EZH1: variants seen among roughly 807,000 people sequenced by gnomAD.
EZH1 encodes the protein enhancer of zeste 1 polycomb repressive complex 2 subunit.
In EZH1, 33 loss-of-function variants were observed where a neutral mutation model predicts 100.5. The observed-to-expected ratio is 0.33, with a 90% CI of 0.25 to 0.44. The LOEUF (loss-of-function observed/expected upper bound fraction) is 0.44. Ranked by LOEUF, EZH1 falls within the 20% of genes least tolerant of loss-of-function variation. The pLI is 1.00. For synonymous variants in EZH1, 272 were observed against 313.8 expected (o/e 0.87, Z 1.41); for missense variants, 475 against 928.4 (o/e 0.51, Z 6.35).
At chr17:42,729,328 G>A (rs1244914126) in intron 2 of EZH1, 3 of 183,576 alleles carry the variant, frequency 1.6e-5, no homozygotes, top group Admixed American at 6.0e-5. Flanking sequence ...GACTGCTTGA[G>A]CCCAGGAGGT....
Position 42,701,072 on chromosome 17 carries a change from C to T in EZH1, c.*1460G>A, listed in dbSNP as rs1465272910. The T allele has an allele frequency of 6.5e-6, 1 of 152,732 alleles. No homozygotes were observed. The highest frequency in any genetic ancestry group is 2.4e-5 in the African/African-American group (1 of 41,464). 9.5% of individuals were successfully genotyped at this position (152,732 alleles called of 1,614,324 possible). On this transcript the variant is annotated 3_prime_UTR_variant, in exon 21 of 21. Transcript: ENST00000428826. ...CAACATACTGCTCCTTGTTCCCAGCCAGCCCGGCACACCCACCATGGACAC... is the reference window on the plus strand; with the variant it reads ...CAACATACTGCTCCTTGTTCCCAGCTAGCCCGGCACACCCACCATGGACAC...
chr17:42,734,850 G>A (rs913869079), intron 1 of EZH1, among the ~76,000 whole-genome samples: 5 of 151,188 alleles, frequency 3.3e-5, no homozygotes, highest in Admixed American at 6.6e-5. Context: ...AAAATTAGCC[G>A]GGTGTGGTGG....
chr17:42,731,910 C>G (rs1359980594), intron 1 of EZH1: 1 of 151,862 alleles, frequency 6.6e-6, no homozygotes, highest in Non-Finnish European at 1.5e-5. Flanking sequence ...CAAAACAAAA[C>G]AAAACAAAAC....
Position 42,718,139 on chromosome 17 carries a change from T to C in EZH1, c.932-72A>G. 1 of 1,320,212 alleles carries C rather than the reference T, an allele frequency of 7.6e-7. No homozygotes were observed. The highest frequency in any genetic ancestry group is 1.4e-5 in the African/African-American group (1 of 69,290). 81.8% of individuals were successfully genotyped at this position (1,320,212 alleles called of 1,614,324 possible). The stretch of plus-strand genomic sequence containing the variant: ...AAGATGGGGAGAAACAAAAGTGAAT[T>C]AGAGAGCTATTGTAGGAGTTAGAAT... On this transcript the variant is annotated intron_variant, in intron 9 of 20. Transcript: ENST00000428826. This position sits in a 1 kb window ranked among gnomAD's most constrained non-coding sequence, Gnocchi z 4.2.
Position 42,702,316 on chromosome 17 carries a change from T to C in EZH1, c.*216A>G. The C allele has an allele frequency of 2.2e-6, 1 of 456,264 alleles. No individual in the cohort carries two copies. Among genetic ancestry groups the C allele is most frequent in the Non-Finnish European group, 3.9e-6 (1 of 254,724 alleles). 28.3% of individuals were successfully genotyped at this position (456,264 alleles called of 1,614,324 possible). On this transcript the variant is annotated 3_prime_UTR_variant, in exon 21 of 21. Transcript: ENST00000428826. ...ACAGTCTCCCATTTCTGTAACTCTCTGTCCTGGGAGACCAAGCCCTAGCTG... is the reference window on the plus strand; with the variant it reads ...ACAGTCTCCCATTTCTGTAACTCTCCGTCCTGGGAGACCAAGCCCTAGCTG...
At position 42,741,133 on chromosome 17, in the gene EZH1, T is replaced by C. The variant is rs1398500336; in HGVS notation, c.-103+3878A>G. ...TCTCTTTTCTCTTTAGTTTATTCTA[T>C]GTAGAAATGGAATTAGTGTGTTTTT... is the stretch of plus-strand genomic sequence containing the variant. On this transcript the variant is annotated intron_variant, in intron 1 of 20. Transcript: ENST00000428826. 2.6e-5 allele frequency among the ~76,000 whole-genome samples: 4 copies of C among 152,258 alleles called. No homozygotes were observed. The East Asian group carries it at 7.7e-4, about 29-fold the overall frequency.
chr17:42,703,782 G>A lies in EZH1; in HGVS notation c.2056C>T (p.Arg686Ter), dbSNP rs1458266017. 6.2e-6 allele frequency: 10 copies of A among 1,613,894 alleles called. No individual in the cohort carries two copies. Among genetic ancestry groups the A allele is most frequent in the Non-Finnish European group, 7.6e-6 (9 of 1,179,952 alleles). The change falls in exon 19 of 21, where the codon CGA (arginine) becomes TGA (stop). Residue 686 changes from arginine to a stop codon, truncating the protein, a stop_gained. Coordinates refer to ENST00000428826, the MANE Select transcript of EZH1 (RefSeq NM_001991.5). LOFTEE classifies it high-confidence loss of function. ...GGATTCACTGAATGATTTGCAAATC[G>A]AATTTTGTTTCCTTTCCGAGTAGCA... Reference protein sequence around the residue: ...VDATRKGNKIRFANHSVNPNC... With the variant: ...VDATRKGNKI
intron 13 of EZH1, chr17:42,709,204 T>C: frequency 2.3e-6 from 1 of 433,786 alleles, no homozygotes; most frequent in Non-Finnish European, 4.2e-6. Context: ...TGGTCTATTA[T>C]AAAGCTATTG....
chr17:42,740,058 T>C (rs1176187269), intron 1 of EZH1, among the ~76,000 whole-genome samples: 1 of 152,020 alleles, frequency 6.6e-6, no homozygotes, highest in East Asian at 1.9e-4. Flanking sequence ...GGTTTAATTT[T>C]ATTTCATTTT....
At chr17:42,730,066 C>CA (rs376362467) in intron 2 of EZH1, among the ~76,000 whole-genome samples, 1,532 of 150,510 alleles carry the variant, frequency 0.01, 36 homozygotes, top group African/African-American at 0.035. Context: ...AAAAACAAAA[C>CA]AAAAAAAAAC....
intron 4 of EZH1, 104 bp from the exon 5 acceptor site, chr17:42,724,528 T>A: frequency 7.1e-7 from 1 of 1,400,148 alleles, no homozygotes; most frequent in Non-Finnish European, 9.8e-7. Context: ...CTCATGCCAG[T>A]AATCCCAGCA....
intron 17 of EZH1, among the ~76,000 whole-genome samples, 171 bp downstream of exon 17, chr17:42,704,917 G>C (rs1210960987): frequency 6.6e-6 from 1 of 152,232 alleles, no homozygotes; most frequent in African/African-American, 2.4e-5. Flanking sequence ...CCAAAGAGTT[G>C]AACAGTGGTT....
Position 42,702,490 on chromosome 17 carries a change from AC to A in EZH1, c.*41del. On this transcript the variant is annotated 3_prime_UTR_variant, in exon 21 of 21. Transcript: ENST00000428826. ...CAGTGGTGTGAGCACGAAAGCCAAG[AC>A]AGTGCCGCTACCATAAGTGCTGCCG... The A allele has an allele frequency of 6.6e-7, 1 of 1,508,584 alleles. No individual in the cohort carries two copies. The highest frequency in any genetic ancestry group is 2.5e-5 in the East Asian group (1 of 40,578). 93.4% of individuals were successfully genotyped at this position (1,508,584 alleles called of 1,614,324 possible).
chr17:42,713,931 G>A (rs1394323433), intron 10 of EZH1, among the ~76,000 whole-genome samples: 1 of 152,194 alleles, frequency 6.6e-6, no homozygotes, highest in Admixed American at 6.5e-5. Context: ...TTGAGAGTAT[G>A]CAGCTAATAG....
chr17:42,730,202 T>C lies in EZH1; in HGVS notation c.-12+626A>G, dbSNP rs563498922. ...AGTTCTCCCACAGGTACTAGGAACT[T>C]GGATTACTTCAAGATATGGAAGTCT... On this transcript the variant is annotated intron_variant, in intron 2 of 20. Coordinates refer to ENST00000428826, the MANE Select transcript of EZH1 (RefSeq NM_001991.5). Among the ~76,000 whole-genome samples, 229 of 152,298 alleles carry C rather than the reference T, an allele frequency of 1.5e-3. 1 individual carries two copies. Among genetic ancestry groups the C allele is most frequent in the South Asian group, 3.1e-3 (15 of 4,826 alleles).
intron 12 of EZH1, among the ~76,000 whole-genome samples, chr17:42,711,607 C>T (rs896405842): frequency 3.3e-5 from 5 of 150,964 alleles, no homozygotes; most frequent in Non-Finnish European, 7.4e-5. Flanking sequence ...TATGCCACTG[C>T]ACCACTCCAG....
intron 10 of EZH1, 133 bp from the exon 11 acceptor site, chr17:42,713,522 T>G: frequency 1.3e-6 from 1 of 766,296 alleles, no homozygotes. Context: ...TACCATATAA[T>G]AAGTATGATC....
chr17:42,702,827 C>T, intron 20 of EZH1, 50 bp downstream of exon 20: 3 of 1,593,690 alleles, frequency 1.9e-6, no homozygotes, highest in Non-Finnish European at 1.7e-6. Context: ...CCAACAGCCA[C>T]TCTTTCCAAT....
At chr17:42,744,192 C>G (rs2054232836) in intron 1 of EZH1, among the ~76,000 whole-genome samples, 2 of 152,202 alleles carry the variant, frequency 1.3e-5, no homozygotes, top group Admixed American at 1.3e-4. Flanking sequence ...CTTCCCTTCC[C>G]TGCTCAAGAA....
Sources: gnomAD v4.1 joint callset for allele counts (sites outside exome capture counted in the v4.1 genomes callset) on GRCh38, gnomAD v4.1.1 for gene constraint, Gnocchi (gnomAD v3.1) non-coding constraint, MANE v1.5 for transcripts, NCBI Gene and HGNC (gene_info 2026-07-23, HGNC 2026-07-21) for gene names.